The following FAAH2 variants were observed in gnomAD, a reference collection of about 807,000 sequenced individuals.
FAAH2 encodes the protein fatty-acid amide hydrolase 2.
A neutral mutation model predicts 36.9 loss-of-function variants in FAAH2; 60 were observed. The observed-to-expected ratio is 1.63, with a 90% CI of 1.32 to 2.02. The LOEUF is 2.02. FAAH2 is among the 30% of genes most tolerant of loss of function. The probability of loss-of-function intolerance (pLI) is 0.00; values close to 1 mark genes in which losing one functional copy is unlikely to be tolerated. For missense variants in FAAH2, 689 were observed against 397.5 expected, an observed-to-expected ratio of 1.73 and a Z score of -6.23; for synonymous variants, 214 against 143.8, an observed-to-expected ratio of 1.49 and a Z score of -3.49.
chrX:57,222,150 C>T, the FAAH2 span, among the ~76,000 whole-genome samples: 4 of 111,515 alleles, frequency 3.6e-5, no homozygotes, highest in East Asian at 1.1e-3. Context: ...CCTCCTGCCT[C>T]CGCAAACTAA....
the FAAH2 span, among the ~76,000 whole-genome samples, chrX:57,174,627 T>C: frequency 3.6e-5 from 4 of 111,188 alleles, no homozygotes; most frequent in Non-Finnish European, 5.7e-5. Flanking sequence ...AGCTTTGAAT[T>C]TGGTTTGTTC....
At chrX:57,290,942 T>G (rs750538372) in intron 1 of FAAH2, among the ~76,000 whole-genome samples, 3 of 112,086 alleles carry the variant, frequency 2.7e-5, no homozygotes, top group Non-Finnish European at 5.6e-5. Context: ...CTTCTAAATA[T>G]CACTGTTTAA....
chrX:57,378,449 T>C (rs922101269), intron 5 of FAAH2, among the ~76,000 whole-genome samples: 1 of 111,631 alleles, frequency 9.0e-6, no homozygotes, highest in African/African-American at 3.3e-5. Flanking sequence ...AAGTTCTTCG[T>C]TGGACTCTAT....
At chrX:57,328,898 C>T (rs1349664226) in intron 3 of FAAH2, among the ~76,000 whole-genome samples, 1 of 111,505 alleles carries the variant, frequency 9.0e-6, no homozygotes, top group East Asian at 2.8e-4. Flanking sequence ...CCACTTTCTT[C>T]TCTGACTTTT....
chrX:57,354,397 G>A (rs1000668171), intron 5 of FAAH2, among the ~76,000 whole-genome samples: 5 of 110,642 alleles, frequency 4.5e-5, no homozygotes, highest in Non-Finnish European at 9.5e-5. Flanking sequence ...TGGATGCAGA[G>A]AGTAGAATGA....
intron 7 of FAAH2, among the ~76,000 whole-genome samples, chrX:57,409,478 TTA>T (rs1369693387): frequency 9.0e-6 from 1 of 111,596 alleles, no homozygotes; most frequent in Non-Finnish European, 1.9e-5. Context: ...TAATTTTTCT[TTA>T]AATCATTGGT....
At chrX:57,406,157 G>A (rs892745605) in intron 7 of FAAH2, among the ~76,000 whole-genome samples, 1 of 111,702 alleles carries the variant, frequency 9.0e-6, no homozygotes, top group East Asian at 2.8e-4. Flanking sequence ...ATGACCTTTT[G>A]CCTCCATATC....
chrX:57,430,080 T>C (rs2056259368), intron 7 of FAAH2, among the ~76,000 whole-genome samples: 1 of 111,636 alleles, frequency 9.0e-6, no homozygotes, highest in South Asian at 3.8e-4. Flanking sequence ...ACTTAGCGGA[T>C]ACAATGTACA....
At chrX:57,413,698 T>A (rs2055760660) in intron 7 of FAAH2, among the ~76,000 whole-genome samples, 1 of 112,237 alleles carries the variant, frequency 8.9e-6, no homozygotes, top group Non-Finnish European at 1.9e-5. Flanking sequence ...CTGTACAGGC[T>A]CTTTTTTGTT....
rs888180150 is a variant in FAAH2 at position 57,489,172 on chromosome X, C to G, written c.*240C>G. 6.1e-6 allele frequency: 2 copies of G among 326,206 alleles called. No individual in the cohort carries two copies. 26.9% of individuals were successfully genotyped at this position (326,206 alleles called of 1,213,427 possible). On this transcript the variant is annotated 3_prime_UTR_variant, in exon 11 of 11. Coordinates refer to ENST00000374900, the MANE Select transcript of FAAH2 (RefSeq NM_174912.4). ...ATTAGGACATGTAAATGGATAAGTG[C>G]AATAAAGTTTCCTAAATGCTGGAAT...
At chrX:57,365,035 G>A (rs1378252661) in intron 5 of FAAH2, among the ~76,000 whole-genome samples, 1 of 111,820 alleles carries the variant, frequency 8.9e-6, no homozygotes, top group Non-Finnish European at 1.9e-5. Flanking sequence ...GGAGTATTCT[G>A]TAGATAGCTA....
At chrX:57,432,786 C>G in intron 8 of FAAH2, among the ~76,000 whole-genome samples, 1 of 111,496 alleles carries the variant, frequency 9.0e-6, no homozygotes, top group Admixed American at 9.6e-5. Context: ...GAAGTGCAGG[C>G]TACCTCCTAG....
intron 7 of FAAH2, chrX:57,394,949 T>C: frequency 1.7e-6 from 1 of 601,083 alleles, no homozygotes; most frequent in Non-Finnish European, 2.9e-6. Context: ...CCCTGTCTCT[T>C]TCATGAGTTC....
intron 10 of FAAH2, among the ~76,000 whole-genome samples, chrX:57,485,811 G>T (rs759310086): frequency 2.7e-5 from 3 of 111,936 alleles, no homozygotes; most frequent in Non-Finnish European, 5.6e-5. Context: ...TTGTGTTCTT[G>T]TTTTGGTGCC....
At chrX:57,392,493 A>G (rs759164869) in intron 7 of FAAH2, among the ~76,000 whole-genome samples, 1 of 111,929 alleles carries the variant, frequency 8.9e-6, no homozygotes, top group African/African-American at 3.2e-5. Flanking sequence ...AAGGCTGAAA[A>G]TGACATCCGG....
the FAAH2 span, among the ~76,000 whole-genome samples, chrX:57,227,440 G>A: frequency 9.0e-6 from 1 of 111,406 alleles, no homozygotes; most frequent in Non-Finnish European, 1.9e-5. Flanking sequence ...GCCACCCAGT[G>A]AGTCTACCTG....
intron 4 of FAAH2, among the ~76,000 whole-genome samples, chrX:57,337,890 G>A (rs2053593206): frequency 8.9e-6 from 1 of 111,761 alleles, no homozygotes; most frequent in African/African-American, 3.2e-5. Flanking sequence ...ACATAGTATT[G>A]GATGTTCTGG....
intron 10 of FAAH2, among the ~76,000 whole-genome samples, chrX:57,472,250 A>C (rs2057182892): frequency 8.9e-6 from 1 of 112,180 alleles, no homozygotes; most frequent in South Asian, 3.7e-4. Context: ...AATGGAATCT[A>C]ATTATACTAA....
chrX:57,398,163 G>T (rs1206237050), intron 7 of FAAH2, among the ~76,000 whole-genome samples: 1 of 111,964 alleles, frequency 8.9e-6, no homozygotes, highest in Non-Finnish European at 1.9e-5. Context: ...TATACCCAAA[G>T]GATTATAAAT....
Sources: gnomAD v4.1 joint callset for allele counts (sites outside exome capture counted in the v4.1 genomes callset) on GRCh38, gnomAD v4.1.1 for gene constraint, MANE v1.5 for transcripts, NCBI Gene and HGNC (gene_info 2026-07-23, HGNC 2026-07-21) for gene names.